FYTTD1: variants seen among roughly 807,000 people sequenced by gnomAD.
FYTTD1 encodes forty-two-three domain containing 1.
Under a neutral mutation model 40.9 loss-of-function variants are expected in FYTTD1, and 22 were observed. The observed-to-expected ratio is 0.54, with a 90% CI of 0.38 to 0.77. The LOEUF (loss-of-function observed/expected upper bound fraction) is 0.77. FYTTD1 is among the 30% of genes least tolerant of loss of function. The pLI, the probability that FYTTD1 is intolerant of heterozygous loss-of-function variation, is 0.00. For synonymous variants in FYTTD1, 140 were observed against 137.9 expected (o/e 1.01, Z -0.10); for missense variants, 351 against 392.2 (o/e 0.90, Z 0.89).
chr3:197,785,775 A>G lies in FYTTD1; in HGVS notation c.*3866A>G, dbSNP rs754819268. On this transcript the variant is annotated 3_prime_UTR_variant, in exon 9 of 9. Transcript: ENST00000241502. ...ACAGAAAATGAATACCATATTGGCA[A>G]TATTAAAGCAGAAAATAATTCATTT... The G allele has an allele frequency of 4.6e-5, 7 of 152,192 alleles. No homozygotes were observed. The highest frequency in any genetic ancestry group is 1.9e-4 in the East Asian group (1 of 5,200). The allele number at this position is 152,192 out of a possible 1,614,324, so 9.4% of individuals were successfully genotyped here. A position where few individuals can be genotyped will look rare whatever the true frequency, so the allele number is the denominator to read the frequency against.
At chr3:197,754,651 GTT>G (rs1171766691) in intron 1 of FYTTD1, among the ~76,000 whole-genome samples, 1 of 142,270 alleles carries the variant, frequency 7.0e-6, no homozygotes, top group African/African-American at 2.6e-5. Flanking sequence ...ATGTTTGTGG[GTT>G]TTTTTTTTTC....
At chr3:197,766,155 T>A (rs1729537154) in intron 2 of FYTTD1, among the ~76,000 whole-genome samples, 1 of 94,924 alleles carries the variant, frequency 1.1e-5, no homozygotes. Flanking sequence ...AGAGCGAGAC[T>A]CTGTCTCAAA....
intron 2 of FYTTD1, among the ~76,000 whole-genome samples, chr3:197,762,239 A>G (rs886098417): frequency 1.3e-5 from 2 of 152,358 alleles, no homozygotes; most frequent in East Asian, 3.9e-4. Context: ...CAGACACCAA[A>G]GAGATCCAAA....
At chr3:197,776,686 C>T (rs893177873) in intron 6 of FYTTD1, among the ~76,000 whole-genome samples, 1 of 151,952 alleles carries the variant, frequency 6.6e-6, no homozygotes, top group South Asian at 2.1e-4. Flanking sequence ...TTCTTTTGTA[C>T]TATTTGATTT....
intron 2 of FYTTD1, among the ~76,000 whole-genome samples, chr3:197,761,773 G>C (rs1243707543): frequency 6.6e-6 from 1 of 152,222 alleles, no homozygotes. Flanking sequence ...GGAATGTACA[G>C]TAGCCTTTTC....
chr3:197,764,396 T>C (rs1729477195), intron 2 of FYTTD1, among the ~76,000 whole-genome samples: 1 of 152,040 alleles, frequency 6.6e-6, no homozygotes, highest in Non-Finnish European at 1.5e-5. Flanking sequence ...GGAGAACGAA[T>C]CATATAGGCC....
chr3:197,773,163 T>C (rs984698005), intron 4 of FYTTD1, among the ~76,000 whole-genome samples: 7 of 152,202 alleles, frequency 4.6e-5, no homozygotes, highest in Non-Finnish European at 1.0e-4. Flanking sequence ...TATTAGAGGA[T>C]TGAATATTTG....
At chr3:197,750,652 G>A (rs1728993767) in intron 1 of FYTTD1, 1 of 985,370 alleles carries the variant, frequency 1.0e-6, no homozygotes, top group Non-Finnish European at 1.2e-6. Flanking sequence ...CGCGGCCCCG[G>A]AGCGTCTGTC....
rs926627525 is a variant in FYTTD1 at position 197,782,033 on chromosome 3, ATTTTTGAAGGTTTTTT to A, written c.*130_*145del. The A allele has an allele frequency of 3.8e-5, 18 of 467,818 alleles. No individual in the cohort carries two copies. Among genetic ancestry groups the A allele is most frequent in the African/African-American group, 3.6e-4 (18 of 49,346 alleles). The allele number at this position is 467,818 out of a possible 1,614,324, so 29.0% of individuals were successfully genotyped here. ...ACAAGGCTAAATAACTCTTATTTTTATTTTTGAAGGTTTTTTTTTTTAAAAAAAAAAACGTATAAAA... is the reference window on the plus strand; with the variant it reads ...ACAAGGCTAAATAACTCTTATTTTTATTTTTAAAAAAAAAAACGTATAAAA... On this transcript the variant is annotated 3_prime_UTR_variant, in exon 9 of 9. Coordinates refer to ENST00000241502, the MANE Select transcript of FYTTD1 (RefSeq NM_032288.7).
At chr3:197,757,147 A>C (rs1050791186) in intron 2 of FYTTD1, among the ~76,000 whole-genome samples, 2 of 152,324 alleles carry the variant, frequency 1.3e-5, no homozygotes, top group African/African-American at 2.4e-5. Context: ...AAATCTTCCA[A>C]AGTTGACACT....
At chr3:197,753,975 C>T (rs927997144) in intron 1 of FYTTD1, among the ~76,000 whole-genome samples, 4 of 152,118 alleles carry the variant, frequency 2.6e-5, no homozygotes, top group Non-Finnish European at 5.9e-5. Flanking sequence ...CTCCTGACCT[C>T]ATGATCCGCC....
chr3:197,762,497 G>A (rs1439585497), intron 2 of FYTTD1, among the ~76,000 whole-genome samples: 1 of 152,008 alleles, frequency 6.6e-6, no homozygotes, highest in African/African-American at 2.4e-5. Context: ...GCTGAGGCAG[G>A]AGAATCGCTT....
chr3:197,750,965 C>A, intron 1 of FYTTD1: 1 of 492,290 alleles, frequency 2.0e-6, no homozygotes, highest in Non-Finnish European at 2.6e-6. Flanking sequence ...CTTAGGTGGG[C>A]TAAAAGTACG....
chr3:197,756,800 A>C (rs1210229612), intron 2 of FYTTD1, among the ~76,000 whole-genome samples: 1 of 152,230 alleles, frequency 6.6e-6, no homozygotes, highest in Non-Finnish European at 1.5e-5. Flanking sequence ...TACACAGTCT[A>C]AATTATATTC....
chr3:197,779,886 C>A (rs941167983), intron 8 of FYTTD1, among the ~76,000 whole-genome samples: 13 of 147,976 alleles, frequency 8.8e-5, no homozygotes, highest in Non-Finnish European at 1.5e-5. Flanking sequence ...CACTGCCACA[C>A]CTGGGGATAC....
chr3:197,776,779 T>G, intron 6 of FYTTD1, 148 bp from the exon 7 acceptor site: 1 of 558,062 alleles, frequency 1.8e-6, no homozygotes. Flanking sequence ...AAGATGTTGA[T>G]TTATTATATC....
At chr3:197,759,241 T>C (rs1239300924) in intron 2 of FYTTD1, among the ~76,000 whole-genome samples, 1 of 150,082 alleles carries the variant, frequency 6.7e-6, no homozygotes, top group Admixed American at 6.7e-5. Context: ...AGAATTGTTC[T>C]TCAGTGGTAG....
intron 2 of FYTTD1, chr3:197,763,349 G>T (rs1166782922): frequency 3.8e-6 from 1 of 261,956 alleles, no homozygotes; most frequent in Non-Finnish European, 7.6e-6. Context: ...GGGAGGCGGA[G>T]GTTGCGGTGA....
At chr3:197,761,919 T>C (rs892088141) in intron 2 of FYTTD1, among the ~76,000 whole-genome samples, 1 of 152,212 alleles carries the variant, frequency 6.6e-6, no homozygotes, top group Non-Finnish European at 1.5e-5. Flanking sequence ...GTTTTGGAGA[T>C]TAGCAGTTCA....
Sources: gnomAD v4.1 joint callset for allele counts (sites outside exome capture counted in the v4.1 genomes callset) on GRCh38, gnomAD v4.1.1 for gene constraint, MANE v1.5 for transcripts, NCBI Gene and HGNC (gene_info 2026-07-23, HGNC 2026-07-21) for gene names.